Variants in DIP2C observed in about 807,000 individuals in gnomAD.
The protein encoded by DIP2C is DIP2 acetate--CoA ligase C (putative), also known as disco-interacting protein 2 homolog C.
In DIP2C, 33 loss-of-function variants were observed where a neutral mutation model predicts 192.4. That is an observed-to-expected ratio of 0.17 (90% CI 0.13 to 0.23). The LOEUF (loss-of-function observed/expected upper bound fraction) is 0.23. DIP2C is among the 10% of genes least tolerant of loss of function. DIP2C has a pLI of 1.00. For missense variants in DIP2C, 1,537 were observed against 2,110.1 expected (o/e 0.73, Z 5.32); for synonymous variants, 979 against 864.1 (o/e 1.13, Z -2.33).
intron 1 of DIP2C, among the ~76,000 whole-genome samples, chr10:615,350 G>A (rs1310211847): frequency 3.3e-5 from 5 of 152,176 alleles, no homozygotes; most frequent in African/African-American, 1.2e-4. Flanking sequence ...GGAGGGCCTG[G>A]AAACTCGCAG....
At chr10:474,336 A>G (rs1053495372) in intron 2 of DIP2C, among the ~76,000 whole-genome samples, 1 of 152,158 alleles carries the variant, frequency 6.6e-6, no homozygotes, top group Non-Finnish European at 1.5e-5. Flanking sequence ...TTCTGGAGTT[A>G]ATATTTTATC....
intron 10 of DIP2C, among the ~76,000 whole-genome samples, chr10:396,964 T>C (rs950968403): frequency 6.6e-6 from 1 of 152,076 alleles, no homozygotes; most frequent in African/African-American, 2.4e-5. Context: ...GCTTTGTACA[T>C]AGGAAATGAA....
chr10:671,258 C>A (rs1398879506), intron 1 of DIP2C, among the ~76,000 whole-genome samples: 1 of 152,208 alleles, frequency 6.6e-6, no homozygotes, highest in Non-Finnish European at 1.5e-5. Flanking sequence ...CCAGCGTGGA[C>A]GGAGAAAACA....
At chr10:463,542 A>G (rs1008284516) in intron 3 of DIP2C, among the ~76,000 whole-genome samples, 2 of 152,226 alleles carry the variant, frequency 1.3e-5, no homozygotes, top group African/African-American at 4.8e-5. Flanking sequence ...GATAGGAAGA[A>G]TATCATGAAA....
chr10:518,512 A>T (rs543229911), intron 1 of DIP2C, among the ~76,000 whole-genome samples: 92 of 152,310 alleles, frequency 6.0e-4, no homozygotes, highest in African/African-American at 2.2e-3. Flanking sequence ...GAGTTCCCGA[A>T]GCTGGAGCCC....
At chr10:484,944 C>T (rs374113939) in intron 2 of DIP2C, 19 of 1,607,464 alleles carry the variant, frequency 1.2e-5, no homozygotes, top group Admixed American at 6.8e-5. Flanking sequence ...CAGCTCCATT[C>T]GCTGCTGTAA....
In DIP2C at chr10:283,190, C is replaced by G. The variant is rs17158883; in HGVS notation, c.4294+82G>C. ...CCCTCCTGGCTTTGGCTGCTGTAAACCTTGGGAAAGGCTTCTGTATCTACA... is the reference window on the plus strand; with the variant it reads ...CCCTCCTGGCTTTGGCTGCTGTAAAGCTTGGGAAAGGCTTCTGTATCTACA... On this transcript the variant is annotated intron_variant, in intron 35 of 36. Transcript: ENST00000280886. 5,194 of 1,530,000 alleles carry G rather than the reference C, an allele frequency of 3.4e-3. 158 individuals are homozygous for G. The African/African-American group carries it at 0.064, about 19-fold the overall frequency. The allele number at this position is 1,530,000 out of a possible 1,614,324, so 94.8% of individuals were successfully genotyped here. A position where few individuals can be genotyped will look rare whatever the true frequency, so the allele number is the denominator to read the frequency against.
intron 18 of DIP2C, 90 bp from the exon 19 acceptor site, chr10:366,501 C>CGG: frequency 6.4e-7 from 1 of 1,572,004 alleles, no homozygotes; most frequent in Non-Finnish European, 8.6e-7. Flanking sequence ...TGAACGACAC[C>CGG]AGTGAACAGG....
rs753516617 is a variant in DIP2C, at chr10:390,086, G to A, written c.1502C>T (p.Thr501Met). 8 of 1,613,876 alleles carry A rather than the reference G, an allele frequency of 5.0e-6. No individual in the cohort carries two copies. Among genetic ancestry groups the A allele is most frequent in the South Asian group, 2.2e-5 (2 of 91,050 alleles). Residue 501 changes from threonine to methionine, a missense_variant, in exon 13 of 37, where the codon ACG becomes ATG. This residue lies in a region of DIP2C where 677 missense variants were observed against 989.9 expected (regional missense o/e 0.68). Coordinates refer to ENST00000280886, the MANE Select transcript of DIP2C (RefSeq NM_014974.3). ...NNDTAYIEYKTCKDGSVLGVT... is the reference protein window; with the variant it reads ...NNDTAYIEYKMCKDGSVLGVT... ...ACCCAGCACACTGCCATCCTTACACGTCTTGTACTGAAACGAGACAAAGCG... is the reference window on the plus strand; with the variant it reads ...ACCCAGCACACTGCCATCCTTACACATCTTGTACTGAAACGAGACAAAGCG...
intron 1 of DIP2C, chr10:662,019 C>T (rs1564318987): frequency 1.4e-6 from 1 of 714,914 alleles, no homozygotes; most frequent in Non-Finnish European, 2.6e-6. Flanking sequence ...TGGCGAGTGC[C>T]CCGCAGGAGC....
chr10:309,560 C>CTT (rs766027771), intron 32 of DIP2C, among the ~76,000 whole-genome samples: 77 of 137,140 alleles, frequency 5.6e-4, no homozygotes, highest in South Asian at 1.4e-3. Context: ...AACAGAGTTT[C>CTT]TTTTTTTTTT....
rs578194390 is a variant in DIP2C, at chr10:462,135, C to A, written c.268+10304G>T. On this transcript the variant is annotated intron_variant, in intron 3 of 36. Coordinates refer to ENST00000280886, the MANE Select transcript of DIP2C (RefSeq NM_014974.3). The stretch of plus-strand genomic sequence containing the variant: ...ATTAAAAGAACTAGAGAAGAAAGAG[C>A]AAACAAATTCAAAAGCTAGCAGAAG... Among the ~76,000 whole-genome samples the A allele has an allele frequency of 2.6e-5, 4 of 152,004 alleles. No homozygotes were observed. In the East Asian group the frequency reaches 7.7e-4, roughly 29 times the overall value.
intron 33 of DIP2C, among the ~76,000 whole-genome samples, chr10:286,905 A>G (rs557995253): frequency 1.1e-4 from 16 of 152,280 alleles, no homozygotes; most frequent in African/African-American, 3.9e-4. Flanking sequence ...TTTTGGCAAA[A>G]TGATATAGTA....
chr10:640,265 C>G (rs572979911), intron 1 of DIP2C, among the ~76,000 whole-genome samples: 1 of 152,388 alleles, frequency 6.6e-6, no homozygotes, highest in South Asian at 2.1e-4. Flanking sequence ...CGCCCACGGC[C>G]ACCAAGGGCT....
At position 277,216 on chromosome 10, in the gene DIP2C, C is replaced by G. The variant is rs890183443; in HGVS notation, c.*109G>C. ...CCTCCTCTTCCTCCTCCACTCTCAC[C>G]ACAAATGGCTGTATTCTGGTGAGTG... is the stretch of plus-strand genomic sequence containing the variant. On this transcript the variant is annotated 3_prime_UTR_variant, in exon 37 of 37. Coordinates refer to ENST00000280886, the MANE Select transcript of DIP2C (RefSeq NM_014974.3). The G allele has an allele frequency of 2.9e-5, 44 of 1,501,938 alleles. No homozygotes were observed. The highest frequency in any genetic ancestry group is 3.7e-5 in the Non-Finnish European group (41 of 1,117,310). 93.0% of individuals were successfully genotyped at this position (1,501,938 alleles called of 1,614,324 possible). A position where few individuals can be genotyped will look rare whatever the true frequency, so the allele number is the denominator to read the frequency against.
At chr10:448,869 C>G (rs1302269533) in intron 3 of DIP2C, among the ~76,000 whole-genome samples, 1 of 94,824 alleles carries the variant, frequency 1.1e-5, no homozygotes, top group Non-Finnish European at 2.0e-5. Flanking sequence ...CCTGCTCACT[C>G]CCGTCGATAC....
At chr10:421,962 T>C (rs557371800) in intron 5 of DIP2C, among the ~76,000 whole-genome samples, 108 of 152,208 alleles carry the variant, frequency 7.1e-4, no homozygotes, top group Non-Finnish European at 1.3e-3. Flanking sequence ...GTCAGTGATC[T>C]AGAAGTGAAC....
intron 3 of DIP2C, among the ~76,000 whole-genome samples, chr10:470,414 A>G (rs970140144): frequency 6.6e-6 from 1 of 151,966 alleles, no homozygotes; most frequent in Non-Finnish European, 1.5e-5. Context: ...ACTCTCAGCC[A>G]CCCCCTCTGC....
chr10:505,429 C>T (rs371668891), intron 1 of DIP2C, among the ~76,000 whole-genome samples: 21 of 152,322 alleles, frequency 1.4e-4, no homozygotes, highest in African/African-American at 5.1e-4. Flanking sequence ...AGGTTCTCAA[C>T]CTTTCCAATC....
Sources: gnomAD v4.1 joint callset for allele counts (sites outside exome capture counted in the v4.1 genomes callset) on GRCh38, gnomAD v4.1.1 for gene constraint, gnomAD v4.1.1 regional missense constraint, MANE v1.5 for transcripts, NCBI Gene and HGNC (gene_info 2026-07-23, HGNC 2026-07-21) for gene names.